MTF2: variants seen among roughly 807,000 people sequenced by gnomAD.
The protein encoded by MTF2 is metal response element binding transcription factor 2.
Under a neutral mutation model 79.5 loss-of-function variants are expected in MTF2, and 11 were observed. The ratio of observed to expected loss-of-function variants is 0.14; its 90% CI spans 0.09 to 0.23. The LOEUF is 0.23. Among genes scored for constraint, MTF2 ranks in the 10% least tolerant of loss-of-function variants. The probability of loss-of-function intolerance (pLI) is 1.00; values close to 1 mark genes in which losing one functional copy is unlikely to be tolerated. For synonymous variants in MTF2, 208 were observed against 232.8 expected, an observed-to-expected ratio of 0.89 and a Z score of 0.97; for missense variants, 486 against 711.2, an observed-to-expected ratio of 0.68 and a Z score of 3.60.
At chr1:93,083,818 T>C (rs1424146829) in intron 1 of MTF2, among the ~76,000 whole-genome samples, 3 of 152,252 alleles carry the variant, frequency 2.0e-5, no homozygotes, top group African/African-American at 4.8e-5. Context: ...ATTTCACTTA[T>C]GGCTAATTAT....
At chr1:93,085,037 G>T (rs1310912433) in intron 1 of MTF2, among the ~76,000 whole-genome samples, 2 of 152,088 alleles carry the variant, frequency 1.3e-5, no homozygotes, top group Admixed American at 1.3e-4. Context: ...AGGATTTTTT[G>T]ATAGTAGTTA....
chr1:93,081,051 T>G, intron 1 of MTF2: 1 of 152,186 alleles, frequency 6.6e-6, no homozygotes, highest in East Asian at 1.9e-4. Context: ...GTTCTAAATA[T>G]TTGAATTAAG....
intron 1 of MTF2, among the ~76,000 whole-genome samples, chr1:93,083,725 C>T (rs1654711773): frequency 6.6e-6 from 1 of 152,222 alleles, no homozygotes; most frequent in Non-Finnish European, 1.5e-5. Flanking sequence ...TATCCACATC[C>T]TCACTGATAC....
intron 1 of MTF2, 83 bp downstream of exon 1, chr1:93,079,614 A>C: frequency 2.0e-6 from 3 of 1,521,930 alleles, no homozygotes; most frequent in Non-Finnish European, 2.7e-6. Flanking sequence ...CAAGTATAAA[A>C]GGGAAAGATG....
chr1:93,104,808 G>A (rs1340249733), intron 1 of MTF2, among the ~76,000 whole-genome samples: 1 of 151,860 alleles, frequency 6.6e-6, no homozygotes, highest in African/African-American at 2.4e-5. Flanking sequence ...TAATCTTTCT[G>A]CCGTTTATGT....
At chr1:93,128,690 A>G (rs1043949580) in intron 10 of MTF2, 1 of 151,756 alleles carries the variant, frequency 6.6e-6, no homozygotes, top group Non-Finnish European at 1.5e-5. Flanking sequence ...AGAGACTAAA[A>G]GAAAGGTCTA....
chr1:93,093,943 A>G (rs1361212350), intron 1 of MTF2, among the ~76,000 whole-genome samples: 1 of 152,024 alleles, frequency 6.6e-6, no homozygotes, highest in East Asian at 1.9e-4. Context: ...CCCAGAATTT[A>G]TTTTTCACTC....
In MTF2 at chr1:93,079,402, A is replaced by G. The variant is rs539447514; in HGVS notation, c.-125A>G. ...TCCAAGGACCTCGGTTTGTGCGTGC[A>G]TATGTGCCGGGTACCCGGTGGGGCG... On this transcript the variant is annotated 5_prime_UTR_variant, in exon 1 of 15. Coordinates refer to ENST00000370298, the MANE Select transcript of MTF2 (RefSeq NM_007358.4). 12 of 1,220,160 alleles carry G rather than the reference A, an allele frequency of 9.8e-6. No individual in the cohort carries two copies. Among genetic ancestry groups the G allele is most frequent in the East Asian group, 9.3e-5 (4 of 42,848 alleles). 75.6% of individuals were successfully genotyped at this position (1,220,160 alleles called of 1,614,324 possible). A position where few individuals can be genotyped will look rare whatever the true frequency, so the allele number is the denominator to read the frequency against.
chr1:93,081,463 A>T (rs1258265839), intron 1 of MTF2, among the ~76,000 whole-genome samples: 1 of 152,216 alleles, frequency 6.6e-6, no homozygotes, highest in Admixed American at 6.5e-5. Flanking sequence ...CATGACCAAC[A>T]TCTGTAGCTT....
At chr1:93,134,731 C>T (rs1647307220) in intron 14 of MTF2, among the ~76,000 whole-genome samples, 1 of 151,412 alleles carries the variant, frequency 6.6e-6, no homozygotes, top group Admixed American at 6.6e-5. Context: ...GCTAATTTGC[C>T]CAGGCTGGTC....
At chr1:93,122,754 C>T (rs771328029) in intron 9 of MTF2, among the ~76,000 whole-genome samples, 3 of 152,092 alleles carry the variant, frequency 2.0e-5, no homozygotes, top group African/African-American at 4.8e-5. Context: ...ATCTCATTCA[C>T]AGACTTTGGT....
chr1:93,129,739 T>C (rs1656842972), intron 11 of MTF2, among the ~76,000 whole-genome samples: 1 of 152,162 alleles, frequency 6.6e-6, no homozygotes, highest in African/African-American at 2.4e-5. Context: ...CATTGATTGA[T>C]TGATTGATTG....
intron 11 of MTF2, among the ~76,000 whole-genome samples, chr1:93,132,634 C>T (rs1269637472): frequency 6.6e-6 from 1 of 152,178 alleles, no homozygotes; most frequent in East Asian, 1.9e-4. Flanking sequence ...GCGTCTGGTT[C>T]TACTTTGTCC....
At chr1:93,097,623 A>C (rs1415273474) in intron 1 of MTF2, among the ~76,000 whole-genome samples, 1 of 151,680 alleles carries the variant, frequency 6.6e-6, no homozygotes, top group Non-Finnish European at 1.5e-5. Flanking sequence ...TTTGAGATGG[A>C]GTCTCACTCT....
intron 1 of MTF2, among the ~76,000 whole-genome samples, chr1:93,097,777 T>C (rs1248530339): frequency 6.6e-6 from 1 of 152,114 alleles, no homozygotes; most frequent in Non-Finnish European, 1.5e-5. Flanking sequence ...TTTGTATTTT[T>C]AGTAGAGACG....
At chr1:93,128,631 A>G (rs1656800569) in intron 10 of MTF2, among the ~76,000 whole-genome samples, 1 of 151,668 alleles carries the variant, frequency 6.6e-6, no homozygotes, top group African/African-American at 2.4e-5. Flanking sequence ...TGGCCAGGCA[A>G]GTTTCAGTAG....
intron 1 of MTF2, among the ~76,000 whole-genome samples, chr1:93,080,147 A>C (rs1193657942): frequency 6.6e-6 from 1 of 152,140 alleles, no homozygotes; most frequent in Non-Finnish European, 1.5e-5. Flanking sequence ...GGGGAAAGCT[A>C]GGTAGCTTAT....
chr1:93,110,988 G>T (rs1372811104), intron 3 of MTF2, among the ~76,000 whole-genome samples: 1 of 152,092 alleles, frequency 6.6e-6, no homozygotes, highest in African/African-American at 2.4e-5. Flanking sequence ...CAGATGATTT[G>T]GGAAATTAGG....
intron 1 of MTF2, among the ~76,000 whole-genome samples, chr1:93,091,229 A>G (rs1557542202): frequency 6.6e-6 from 1 of 152,170 alleles, no homozygotes; most frequent in African/African-American, 2.4e-5. Flanking sequence ...TACATCTGGT[A>G]TACTACTACT....
Sources: allele counts gnomAD v4.1 joint callset (sites outside exome capture counted in the v4.1 genomes callset), GRCh38; gene constraint gnomAD v4.1.1; transcripts MANE v1.5; gene names NCBI Gene and HGNC (gene_info 2026-07-23, HGNC 2026-07-21).